TCF12: variants seen among roughly 807,000 people sequenced by gnomAD.
The protein encoded by TCF12 is transcription factor 12, also known as DNA-binding protein HTF4.
In TCF12, 45 loss-of-function variants were observed where a neutral mutation model predicts 86.0. The observed-to-expected ratio is 0.52, with a 90% CI of 0.41 to 0.67. The LOEUF (loss-of-function observed/expected upper bound fraction) is 0.67. Ranked by LOEUF, TCF12 falls within the 30% of genes least tolerant of loss-of-function variation. TCF12 has a pLI of 0.00. For missense variants in TCF12, 881 were observed against 859.9 expected (o/e 1.02, Z -0.31); for synonymous variants, 330 against 299.6 (o/e 1.10, Z -1.05).
chr15:57,055,154 A>G (rs1476911384), intron 3 of TCF12, among the ~76,000 whole-genome samples: 1 of 152,064 alleles, frequency 6.6e-6, no homozygotes. Flanking sequence ...TAATCCCAGC[A>G]CTTTGGGAGG....
Position 57,219,984 on chromosome 15 carries a change from C to T in TCF12, c.580-11168C>T, listed in dbSNP as rs1199832205. Among the ~76,000 whole-genome samples, 3 of 152,218 alleles carry T rather than the reference C, an allele frequency of 2.0e-5. No homozygotes were observed. The South Asian group carries it at 6.2e-4, about 32-fold the overall frequency. On this transcript the variant is annotated intron_variant, in intron 8 of 20. Transcript: ENST00000333725. ...CAGGTGATCCACCCGCCTCGGCCTC[C>T]CAAAATGCTGGAATTACAGGCATGA...
At chr15:57,182,801 T>G (rs2056436553) in intron 6 of TCF12, among the ~76,000 whole-genome samples, 1 of 152,190 alleles carries the variant, frequency 6.6e-6, no homozygotes, top group African/African-American at 2.4e-5. Flanking sequence ...CTTTTTTTCT[T>G]TCTTTACTAT....
At chr15:57,040,597 T>G (rs1439372827) in intron 3 of TCF12, among the ~76,000 whole-genome samples, 6 of 152,192 alleles carry the variant, frequency 3.9e-5, no homozygotes, top group African/African-American at 7.2e-5. Context: ...TGGTATTCAG[T>G]AGGAGAAGAT....
At chr15:57,253,526 T>C in intron 16 of TCF12, 58 bp downstream of exon 16, 14 of 1,573,222 alleles carry the variant, frequency 8.9e-6, no homozygotes, top group Non-Finnish European at 1.2e-5. Context: ...CCTAAATGTC[T>C]TTAATGAAAT....
chr15:57,232,547 A>G, intron 10 of TCF12, 117 bp downstream of exon 10: 1 of 1,478,584 alleles, frequency 6.8e-7, no homozygotes, highest in Non-Finnish European at 9.1e-7. Context: ...AAGTACTTCA[A>G]GGCTTACCGC....
chr15:57,074,243 C>T (rs569722687), intron 4 of TCF12, among the ~76,000 whole-genome samples: 6 of 151,770 alleles, frequency 4.0e-5, no homozygotes, highest in South Asian at 2.1e-4. Context: ...AGCTTTTTCT[C>T]ATAGGAAGTG....
At chr15:57,233,430 G>A (rs2059250269) in intron 11 of TCF12, among the ~76,000 whole-genome samples, 2 of 151,852 alleles carry the variant, frequency 1.3e-5, no homozygotes, top group Admixed American at 6.6e-5. Flanking sequence ...CTTCCACCTC[G>A]GCCTCCCAAA....
intron 19 of TCF12, among the ~76,000 whole-genome samples, chr15:57,275,274 G>A (rs1346851045): frequency 9.7e-6 from 1 of 103,554 alleles, no homozygotes; most frequent in South Asian, 3.1e-4. Context: ...GACTGGGCTT[G>A]AAGCCTTATC....
intron 8 of TCF12, among the ~76,000 whole-genome samples, chr15:57,213,671 T>G (rs539882975): frequency 2.0e-4 from 30 of 152,232 alleles, no homozygotes; most frequent in Non-Finnish European, 3.8e-4. Flanking sequence ...TGTCTTCCAG[T>G]TCAGAAGAAA....
At chr15:57,203,326 A>T (rs1464117858) in intron 8 of TCF12, among the ~76,000 whole-genome samples, 1 of 152,160 alleles carries the variant, frequency 6.6e-6, no homozygotes, top group Admixed American at 6.5e-5. Flanking sequence ...TCTCAGATGC[A>T]GAAAAGTTTC....
intron 3 of TCF12, among the ~76,000 whole-genome samples, chr15:57,003,158 T>A (rs1331095896): frequency 6.6e-6 from 1 of 152,178 alleles, no homozygotes; most frequent in South Asian, 2.1e-4. Context: ...CTGGAGGTAA[T>A]GTAACATAGG....
intron 4 of TCF12, among the ~76,000 whole-genome samples, chr15:57,076,514 G>T (rs766278854): frequency 6.6e-6 from 1 of 151,892 alleles, no homozygotes; most frequent in Non-Finnish European, 1.5e-5. Context: ...TTTGCTGGGC[G>T]TGGTGGCAGG....
chr15:57,232,301 C>G lies in TCF12; in HGVS notation c.696C>G (p.His232Gln). The G allele has an allele frequency of 6.2e-7, 1 of 1,613,880 alleles. No homozygotes were observed. Among genetic ancestry groups the G allele is most frequent in the Non-Finnish European group, 8.5e-7 (1 of 1,179,882 alleles). ...ASTFFMQDGT[H>Q]NSSDLWSSSN... ...CTCTTTTTGTCTTAGATGGGACCCA[C>G]AATTCTTCTGACCTTTGGAGTTCAT... The change falls in exon 10 of 21, where the codon CAC becomes CAG. Residue 232 changes from histidine (H) to glutamine (Q), a missense_variant. Around this residue, in one of 3 missense-constraint regions of TCF12, gnomAD observed 766 missense variants for 718.9 expected, o/e 1.07. Transcript: ENST00000333725.
chr15:57,073,726 C>T (rs1026029937), intron 4 of TCF12, among the ~76,000 whole-genome samples: 1 of 152,080 alleles, frequency 6.6e-6, no homozygotes, highest in African/African-American at 2.4e-5. Context: ...ACTTGAAGGA[C>T]AGAGTCACTA....
At chr15:57,208,050 T>TA (rs1226394884) in intron 8 of TCF12, among the ~76,000 whole-genome samples, 1 of 150,796 alleles carries the variant, frequency 6.6e-6, no homozygotes, top group African/African-American at 2.4e-5. Context: ...TTTTTTTTTT[T>TA]AAAGACAGAG....
chr15:57,208,680 C>A (rs1303525249), intron 8 of TCF12, among the ~76,000 whole-genome samples: 4 of 151,732 alleles, frequency 2.6e-5, no homozygotes, highest in African/African-American at 9.7e-5. Flanking sequence ...CCACTGCACC[C>A]AGCCTGGAAA....
chr15:57,088,837 C>T (rs1206705463), intron 4 of TCF12, among the ~76,000 whole-genome samples: 1 of 152,000 alleles, frequency 6.6e-6, no homozygotes, highest in Non-Finnish European at 1.5e-5. Flanking sequence ...CTGTAGGTAT[C>T]GGTCAACTAG....
intron 5 of TCF12, among the ~76,000 whole-genome samples, chr15:57,146,015 T>C (rs191200801): frequency 6.6e-6 from 1 of 152,302 alleles, no homozygotes; most frequent in African/African-American, 2.4e-5. Flanking sequence ...ATATTACACT[T>C]TGAGTGGAGT....
intron 3 of TCF12, among the ~76,000 whole-genome samples, chr15:57,026,189 T>C (rs1943646617): frequency 1.3e-5 from 2 of 152,164 alleles, no homozygotes; most frequent in South Asian, 4.1e-4. Context: ...ATAGACAATA[T>C]ATGGTAAACA....
Sources: allele counts gnomAD v4.1 joint callset (sites outside exome capture counted in the v4.1 genomes callset), GRCh38; gene constraint gnomAD v4.1.1; regional missense constraint gnomAD v4.1.1; transcripts MANE v1.5; gene names NCBI Gene and HGNC (gene_info 2026-07-23, HGNC 2026-07-21).